CBARP: variants seen among roughly 807,000 people sequenced by gnomAD.
The protein encoded by CBARP is voltage-dependent calcium channel beta subunit-associated regulatory protein.
A neutral mutation model predicts 36.3 loss-of-function variants in CBARP; 24 were observed. That is an observed-to-expected ratio of 0.66 (90% CI 0.48 to 0.93). The LOEUF (loss-of-function observed/expected upper bound fraction) is 0.93. Ranked by LOEUF, CBARP falls within the 40% of genes least tolerant of loss-of-function variation. The pLI, the probability that CBARP is intolerant of heterozygous loss-of-function variation, is 0.00. For missense variants in CBARP, 1,146 were observed against 980.4 expected, an observed-to-expected ratio of 1.17 and a Z score of -2.26; for synonymous variants, 586 against 453.2, an observed-to-expected ratio of 1.29 and a Z score of -3.72.
At chr19:1,235,651 T>A in intron 3 of CBARP, 86 bp from the exon 4 acceptor site, 1 of 1,585,350 alleles carries the variant, frequency 6.3e-7, no homozygotes, top group Non-Finnish European at 8.6e-7. Flanking sequence ...AGCCAAGCCC[T>A]GCGCATCACC....
intron 7 of CBARP, among the ~76,000 whole-genome samples, 176 bp from the exon 8 acceptor site, chr19:1,233,812 G>T (rs1412528389): frequency 2.0e-5 from 3 of 152,228 alleles, no homozygotes; most frequent in African/African-American, 7.2e-5. Flanking sequence ...TGGCTGGGTG[G>T]GCTACACTAA....
In CBARP at chr19:1,228,748, C is replaced by T. The variant is rs2080850233; in HGVS notation, c.*431G>A. Reference sequence around the variant, plus strand: ...CCCCGCCCGGGCGAGCTCGCGCACGCGCCCGGCACGCGGCGGCTCCATCGG... The same window carrying T: ...CCCCGCCCGGGCGAGCTCGCGCACGTGCCCGGCACGCGGCGGCTCCATCGG... On this transcript the variant is annotated 3_prime_UTR_variant, in exon 10 of 10. Coordinates refer to ENST00000650044, the MANE Select transcript of CBARP (RefSeq NM_001393918.1). The T allele has an allele frequency of 6.8e-6, 1 of 146,636 alleles. No homozygotes were observed. Among genetic ancestry groups the T allele is most frequent in the Non-Finnish European group, 1.5e-5 (1 of 66,124 alleles). The allele number at this position is 146,636 out of a possible 1,614,324, so 9.1% of individuals were successfully genotyped here.
rs759174969 is a variant in CBARP, at chr19:1,236,118, G to A, written c.-18C>T. ...GGCTGCATTCTGAACTGGGGAGGAG[G>A]GCCCTGTGGGGAGGAAGCCTGGTCA... On this transcript the variant is annotated 5_prime_UTR_variant, in exon 2 of 10. Coordinates refer to ENST00000650044, the MANE Select transcript of CBARP (RefSeq NM_001393918.1). The A allele has an allele frequency of 8.4e-6, 12 of 1,425,386 alleles. No individual in the cohort carries two copies. The highest frequency in any genetic ancestry group is 7.5e-5 in the South Asian group (5 of 66,782). The allele number at this position is 1,425,386 out of a possible 1,614,324, so 88.3% of individuals were successfully genotyped here.
In CBARP at chr19:1,229,137, C is replaced by T. The variant is rs755979102; in HGVS notation, c.*42G>A. On this transcript the variant is annotated 3_prime_UTR_variant, in exon 10 of 10. Transcript: ENST00000650044. This position sits in a 1 kb window ranked among gnomAD's most constrained non-coding sequence, Gnocchi z 5.1. Reference sequence around the variant, plus strand: ...CTCCCGCCGCCGAGGCCCCGTGCGGCGCCGGAGAAGCTGCCAGAGAGATGG... The same window carrying T: ...CTCCCGCCGCCGAGGCCCCGTGCGGTGCCGGAGAAGCTGCCAGAGAGATGG... 9.0e-6 allele frequency: 8 copies of T among 891,140 alleles called. No individual in the cohort carries two copies. Among genetic ancestry groups the T allele is most frequent in the Non-Finnish European group, 8.3e-6 (6 of 727,238 alleles). The allele number at this position is 891,140 out of a possible 1,614,324, so 55.2% of individuals were successfully genotyped here. A position where few individuals can be genotyped will look rare whatever the true frequency, so the allele number is the denominator to read the frequency against.
At chr19:1,232,551 G>A (rs939777532) in intron 8 of CBARP, among the ~76,000 whole-genome samples, 2 of 152,162 alleles carry the variant, frequency 1.3e-5, no homozygotes, top group African/African-American at 2.4e-5. Context: ...TGCTGCCAGT[G>A]CTACAGATGG....
rs758588663 is a variant in CBARP, at chr19:1,231,294, G to A, written c.980-19C>T. On this transcript the variant is annotated intron_variant, in intron 8 of 9. Coordinates refer to ENST00000650044, the MANE Select transcript of CBARP (RefSeq NM_001393918.1). ...GGGGAACCTGCGCACGGGATGTGCC[G>A]TAAGCGTCAGCCGGCATGTGCCTCC... The A allele has an allele frequency of 2.0e-5, 32 of 1,594,428 alleles. No homozygotes were observed. The highest frequency in any genetic ancestry group is 5.5e-5 in the South Asian group (5 of 90,694).
intron 4 of CBARP, 25 bp downstream of exon 4, chr19:1,235,476 A>C (rs774922469): frequency 1.3e-6 from 2 of 1,561,914 alleles, no homozygotes; most frequent in Non-Finnish European, 1.7e-6. Flanking sequence ...AGGCGAGCGC[A>C]CAGCCAGGCT....
chr19:1,237,738 C>A lies in CBARP; in HGVS notation c.-22+18G>T, dbSNP rs1204689823. ...GTCCCCCGTCCGCCCCCCGCAGCCCCGAGCCCGCCGCGCCTACCTCAGCGC... is the reference window on the plus strand; with the variant it reads ...GTCCCCCGTCCGCCCCCCGCAGCCCAGAGCCCGCCGCGCCTACCTCAGCGC... On this transcript the variant is annotated intron_variant, in intron 1 of 9. Transcript: ENST00000650044. The A allele has an allele frequency of 6.7e-6, 1 of 150,288 alleles. No homozygotes were observed. The highest frequency in any genetic ancestry group is 1.5e-5 in the Non-Finnish European group (1 of 67,338). 9.3% of individuals were successfully genotyped at this position (150,288 alleles called of 1,614,324 possible). A position where few individuals can be genotyped will look rare whatever the true frequency, so the allele number is the denominator to read the frequency against.
chr19:1,230,043 C>T lies in CBARP; in HGVS notation c.1254G>A (p.Glu418=), dbSNP rs2080868854. The change falls in exon 10 of 10, where the codon GAG becomes GAA. Residue 418 remains glutamate (E), a synonymous_variant. Transcript: ENST00000650044. ...AGPEQQQPPL[E]PDAERDAGPE... is the part of the protein sequence containing the mutation. ...GGCCCGCGTCCCGCTCGGCGTCCGG[C>T]TCCAGTGGCGGCTGCTGCTGCTCAG... 1 of 1,219,262 alleles carries T rather than the reference C, an allele frequency of 8.2e-7. No homozygotes were observed. The highest frequency in any genetic ancestry group is 1.0e-6 in the Non-Finnish European group (1 of 958,020). The allele number at this position is 1,219,262 out of a possible 1,614,324, so 75.5% of individuals were successfully genotyped here. A position where few individuals can be genotyped will look rare whatever the true frequency, so the allele number is the denominator to read the frequency against.
At chr19:1,234,079 G>T in intron 7 of CBARP, 112 bp downstream of exon 7, 1 of 1,281,232 alleles carries the variant, frequency 7.8e-7, no homozygotes, top group African/African-American at 1.5e-5. Flanking sequence ...GGGCCAAGGA[G>T]GGCTGCGGTG....
intron 9 of CBARP, 198 bp from the exon 10 acceptor site, chr19:1,230,340 T>C (rs887003116): frequency 2.6e-5 from 26 of 986,404 alleles, no homozygotes; most frequent in Non-Finnish European, 3.1e-5. Flanking sequence ...CTGTGGCGCC[T>C]GCTTATTAAG....
rs930659417 is a variant in CBARP at position 1,229,782 on chromosome 19, G to A, written c.1515C>T (p.Tyr505=). Residue 505 remains tyrosine, a synonymous_variant, in exon 10 of 10, where the codon TAC becomes TAT. Coordinates refer to ENST00000650044, the MANE Select transcript of CBARP (RefSeq NM_001393918.1). This position sits in a 1 kb window ranked among gnomAD's most constrained non-coding sequence, Gnocchi z 5.1. The stretch of plus-strand genomic sequence containing the variant: ...CTGCGCCGCGGCCCTCGATGCTGGC[G>A]TAGCCACTGTCCATCTGCAGCAGCC... ...ARRLLQMDSG[Y]ASIEGRGAGD... is the part of the protein sequence containing the mutation. 19 of 1,018,774 alleles carry A rather than the reference G, an allele frequency of 1.9e-5. No homozygotes were observed. Among genetic ancestry groups the A allele is most frequent in the African/African-American group, 3.5e-5 (2 of 56,822 alleles). 63.1% of individuals were successfully genotyped at this position (1,018,774 alleles called of 1,614,324 possible).
At chr19:1,230,987 G>A (rs200100448) in intron 9 of CBARP, 114 bp downstream of exon 9, 4 of 1,552,062 alleles carry the variant, frequency 2.6e-6, no homozygotes, top group Non-Finnish European at 3.5e-6. Flanking sequence ...GCTGGAGGCA[G>A]GCGAGCGCGT....
At position 1,229,297 on chromosome 19, in the gene CBARP, TC is replaced by T; in HGVS notation, c.1999del (p.Asp667ThrfsTer161). ...CTCGTCGAGGCCAGCCGCCAGCTTG[TC>T]CAGCACCGACCCGGATGGTAGGACG... ...LCVLPSGSVL[D>X]KLAAGLDERL... is the part of the protein sequence containing the mutation. On this transcript the variant is annotated frameshift_variant, in exon 10 of 10. Transcript: ENST00000650044. LOFTEE classifies it low-confidence loss of function (END_TRUNC). The surrounding 1 kb of genome is among the most constrained non-coding windows in gnomAD (Gnocchi z 5.1). 7.9e-7 allele frequency: 1 copy of T among 1,258,802 alleles called. No individual in the cohort carries two copies. The highest frequency in any genetic ancestry group is 1.0e-6 in the Non-Finnish European group (1 of 978,208). 78.0% of individuals were successfully genotyped at this position (1,258,802 alleles called of 1,614,324 possible).
chr19:1,236,478 A>G (rs961106445), intron 1 of CBARP, among the ~76,000 whole-genome samples: 1 of 152,118 alleles, frequency 6.6e-6, no homozygotes, highest in Non-Finnish European at 1.5e-5. Flanking sequence ...TGGGGACGCC[A>G]AGGCGGTGCA....
rs1030888518 is a variant in CBARP, at chr19:1,229,641, C to G, written c.1656G>C (p.Glu552Asp). The change falls in exon 10 of 10, where the codon GAG becomes GAC. Residue 552 changes from glutamate (E) to aspartate (D), a missense_variant. By Grantham distance (45) the Glu-to-Asp change is conservative (BLOSUM62 2). Transcript: ENST00000650044. The surrounding 1 kb of genome is among the most constrained non-coding windows in gnomAD (Gnocchi z 5.1). Reference protein sequence around the residue: ...IDEKTDALFHEFLRHDPHFDD... With the variant: ...IDEKTDALFHDFLRHDPHFDD... ...CGAAGTGCGGGTCGTGGCGCAGGAA[C>G]TCGTGGAACAGCGCGTCCGTCTTCT... 1 of 1,196,702 alleles carries G rather than the reference C, an allele frequency of 8.4e-7. No individual in the cohort carries two copies. The highest frequency in any genetic ancestry group is 1.7e-5 in the African/African-American group (1 of 59,502). The allele number at this position is 1,196,702 out of a possible 1,614,324, so 74.1% of individuals were successfully genotyped here.
chr19:1,234,083 T>A, intron 7 of CBARP, 108 bp downstream of exon 7: 2 of 1,297,602 alleles, frequency 1.5e-6, no homozygotes, highest in Non-Finnish European at 2.0e-6. Context: ...CAAGGAGGGC[T>A]GCGGTGGCTG....
chr19:1,234,035 G>A (rs935736322), intron 7 of CBARP, among the ~76,000 whole-genome samples, 156 bp downstream of exon 7: 2 of 152,306 alleles, frequency 1.3e-5, no homozygotes, highest in East Asian at 3.9e-4. Context: ...GTGTGCGGCC[G>A]GCTCCCTCTT....
chr19:1,233,242 AG>A (rs1214142208), intron 8 of CBARP, among the ~76,000 whole-genome samples, 183 bp downstream of exon 8: 2 of 152,156 alleles, frequency 1.3e-5, no homozygotes, highest in Non-Finnish European at 2.9e-5. Context: ...CCGCACACTC[AG>A]CCCTCCCAGC....
Sources: gnomAD v4.1 joint callset for allele counts (sites outside exome capture counted in the v4.1 genomes callset) on GRCh38, gnomAD v4.1.1 for gene constraint, Gnocchi (gnomAD v3.1) non-coding constraint, MANE v1.5 for transcripts, NCBI Gene and HGNC (gene_info 2026-07-23, HGNC 2026-07-21) for gene names.